STON2: variants seen among roughly 807,000 people sequenced by gnomAD.
The protein encoded by STON2 is stonin-2.
A neutral mutation model predicts 65.7 loss-of-function variants in STON2; 29 were observed. The ratio of observed to expected loss-of-function variants is 0.44; its 90% CI spans 0.33 to 0.60. STON2 has a LOEUF of 0.60. STON2 is among the 20% of genes least tolerant of loss of function. The probability of loss-of-function intolerance (pLI) is 0.03; values close to 1 mark genes in which losing one functional copy is unlikely to be tolerated. For missense variants in STON2, 1,054 were observed against 1,118.1 expected (o/e 0.94, Z 0.82); for synonymous variants, 404 against 414.2 (o/e 0.98, Z 0.30).
chr14:81,387,932 A>ATATTTT (rs1899893402), intron 3 of STON2, among the ~76,000 whole-genome samples: 1 of 143,688 alleles, frequency 7.0e-6, no homozygotes, highest in Non-Finnish European at 1.5e-5. Context: ...TATTTTAATC[A>ATATTTT]TATTTTTATT....
chr14:81,304,976 C>CGAAG (rs1896114648), intron 5 of STON2, among the ~76,000 whole-genome samples: 1 of 152,170 alleles, frequency 6.6e-6, no homozygotes, highest in Non-Finnish European at 1.5e-5. Context: ...CACTAACTAC[C>CGAAG]TCTTCCCCCA....
At chr14:81,306,806 C>G (rs1896201870) in intron 5 of STON2, 1 of 152,128 alleles carries the variant, frequency 6.6e-6, no homozygotes, top group Non-Finnish European at 1.5e-5. Context: ...TCCAATAAAG[C>G]AGACAATTAA....
chr14:81,277,025 A>G lies in STON2; in HGVS notation c.2457T>C (p.Ser819=), dbSNP rs372181612. Residue 819 remains serine (S), a synonymous_variant, in exon 6 of 8, where the codon AGT becomes AGC. Coordinates refer to ENST00000614646, the MANE Select transcript of STON2 (RefSeq NM_001394390.1). The part of the protein sequence containing the change: ...SLKAKVNRGA[S]FGSTSVSGSE... The stretch of plus-strand genomic sequence containing the variant: ...AGCCAGAAACACTAGTGGAGCCAAA[A>G]CTTGCCCCCCGGTTCACTTTGGCTT... 1 of 1,614,100 alleles carries G rather than the reference A, an allele frequency of 6.2e-7. No homozygotes were observed. Among genetic ancestry groups the G allele is most frequent in the South Asian group, 1.1e-5 (1 of 91,072 alleles).
In STON2 at chr14:81,277,518, C is replaced by T. The variant is rs146858490; in HGVS notation, c.1964G>A (p.Arg655Gln). The T allele has an allele frequency of 7.5e-5, 121 of 1,613,996 alleles. No homozygotes were observed. Among genetic ancestry groups the T allele is most frequent in the Admixed American group, 1.8e-4 (11 of 60,012 alleles). ...NQILQHHVLTRIHILSFLSGL... is the reference protein window; with the variant it reads ...NQILQHHVLTQIHILSFLSGL... Reference sequence around the variant, plus strand: ...AGACAGGAAACTCAGGATGTGGATCCGTGTCAAGACATGGTGCTGGAGAAT... The same window carrying T: ...AGACAGGAAACTCAGGATGTGGATCTGTGTCAAGACATGGTGCTGGAGAAT... Residue 655 changes from arginine to glutamine, a missense_variant, in exon 6 of 8, where the codon CGG (arginine) becomes CAG (glutamine). Coordinates refer to ENST00000614646, the MANE Select transcript of STON2 (RefSeq NM_001394390.1).
At chr14:81,303,545 T>C (rs576320481) in intron 5 of STON2, among the ~76,000 whole-genome samples, 1 of 152,268 alleles carries the variant, frequency 6.6e-6, no homozygotes, top group African/African-American at 2.4e-5. Context: ...ACATCAATAA[T>C]GACATGAGGT....
chr14:81,388,392 T>C (rs1187472790), intron 3 of STON2, among the ~76,000 whole-genome samples: 1 of 152,228 alleles, frequency 6.6e-6, no homozygotes, highest in African/African-American at 2.4e-5. Flanking sequence ...TTTCTGGAGT[T>C]GTTTTTCCTA....
intron 6 of STON2, among the ~76,000 whole-genome samples, chr14:81,273,958 C>T (rs1052848994): frequency 6.6e-6 from 1 of 152,184 alleles, no homozygotes; most frequent in Non-Finnish European, 1.5e-5. Context: ...CTTCCCAGGG[C>T]TGTCTGAACA....
chr14:81,401,524 C>T (rs955207073), upstream of STON2, among the ~76,000 whole-genome samples: 1 of 152,180 alleles, frequency 6.6e-6, no homozygotes, highest in Non-Finnish European at 1.5e-5. Flanking sequence ...AAGTGCTGTG[C>T]TAAGCAGCTG....
At chr14:81,424,439 A>C (rs72691418) in intron 2 of STON2, among the ~76,000 whole-genome samples, 3,059 of 152,144 alleles carry the variant, frequency 0.02, 55 homozygotes, top group Middle Eastern at 0.037. Flanking sequence ...GCAAGACACC[A>C]TATCAAAAAA....
rs551009289 is a variant in STON2, at chr14:81,271,009, A to G, written c.2582-137T>C. On this transcript the variant is annotated intron_variant, in intron 6 of 7. Transcript: ENST00000614646. ...CCTTTCAGAGGGTCCAGTGTTGAGC[A>G]CGAGGATCCGCCCGGCTCAGCAGAA... 1.4e-4 allele frequency: 159 copies of G among 1,166,932 alleles called. 1 individual carries two copies. The African/African-American group carries it at 2.2e-3, about 16-fold the overall frequency. 72.3% of individuals were successfully genotyped at this position (1,166,932 alleles called of 1,614,324 possible).
In STON2 at chr14:81,261,864, CT is replaced by C. The variant is rs766779596; in HGVS notation, c.*6549del. 6.5e-7 allele frequency: 1 copy of C among 1,530,506 alleles called. No individual in the cohort carries two copies. The highest frequency in any genetic ancestry group is 2.5e-5 in the East Asian group (1 of 40,656). The allele number at this position is 1,530,506 out of a possible 1,614,324, so 94.8% of individuals were successfully genotyped here. ...GATCTTCACCACCCTCTTTGATCCT[CT>C]TTTTAAATCTGTGTGTGGAAGGCAA... On this transcript the variant is annotated 3_prime_UTR_variant, in exon 8 of 8. Coordinates refer to ENST00000614646, the MANE Select transcript of STON2 (RefSeq NM_001394390.1).
chr14:81,400,558 C>G (rs1387424138), upstream of STON2, among the ~76,000 whole-genome samples: 3 of 150,838 alleles, frequency 2.0e-5, no homozygotes, highest in Non-Finnish European at 4.4e-5. Flanking sequence ...GGAAAACATC[C>G]TGCCAATCCT....
intron 4 of STON2, among the ~76,000 whole-genome samples, chr14:81,344,887 T>C (rs1041407574): frequency 4.6e-5 from 7 of 152,244 alleles, no homozygotes; most frequent in African/African-American, 1.4e-4. Flanking sequence ...TAATGTAGTA[T>C]TGACTTTTGA....
intron 4 of STON2, among the ~76,000 whole-genome samples, chr14:81,368,872 C>T (rs1898859446): frequency 6.6e-6 from 1 of 152,110 alleles, no homozygotes; most frequent in Admixed American, 6.6e-5. Flanking sequence ...GGCGTAGGGG[C>T]CAGTTAGTTT....
chr14:81,267,551 G>T lies in STON2; in HGVS notation c.*863C>A. Reference sequence around the variant, plus strand: ...TTATGTATATTTGTTTCAGGAATCAGAAGTGGACTGTATTTTTCAGTGTGA... The same window carrying T: ...TTATGTATATTTGTTTCAGGAATCATAAGTGGACTGTATTTTTCAGTGTGA... On this transcript the variant is annotated 3_prime_UTR_variant, in exon 8 of 8. Coordinates refer to ENST00000614646, the MANE Select transcript of STON2 (RefSeq NM_001394390.1). The T allele has an allele frequency of 1.0e-6, 1 of 985,332 alleles. No individual in the cohort carries two copies. The highest frequency in any genetic ancestry group is 1.2e-6 in the Non-Finnish European group (1 of 829,832). 61.0% of individuals were successfully genotyped at this position (985,332 alleles called of 1,614,324 possible).
chr14:81,393,558 C>T (rs935518719), intron 3 of STON2, among the ~76,000 whole-genome samples: 1 of 152,220 alleles, frequency 6.6e-6, no homozygotes, highest in African/African-American at 2.4e-5. Flanking sequence ...ATTCCCAAAG[C>T]CCACTTCTGG....
In STON2 at chr14:81,277,982, G is replaced by A; in HGVS notation, c.1500C>T (p.Ser500=). The change falls in exon 6 of 8, where the codon TCC becomes TCT. Residue 500 remains serine, a synonymous_variant. Coordinates refer to ENST00000614646, the MANE Select transcript of STON2 (RefSeq NM_001394390.1). ...RIPEKKNIMS[S]RHWGPIFVKL... Reference sequence around the variant, plus strand: ...TGACGAAGATCGGTCCCCAGTGCCTGGAGGACATGATGTTTTTCTTCTCAG... The same window carrying A: ...TGACGAAGATCGGTCCCCAGTGCCTAGAGGACATGATGTTTTTCTTCTCAG... The A allele has an allele frequency of 6.2e-7, 1 of 1,614,150 alleles. No individual in the cohort carries two copies. The highest frequency in any genetic ancestry group is 8.5e-7 in the Non-Finnish European group (1 of 1,180,038).
chr14:81,267,133 T>C lies in STON2; in HGVS notation c.*1281A>G. The C allele has an allele frequency of 2.0e-6, 2 of 985,246 alleles. No individual in the cohort carries two copies. The highest frequency in any genetic ancestry group is 2.4e-6 in the Non-Finnish European group (2 of 829,858). 61.0% of individuals were successfully genotyped at this position (985,246 alleles called of 1,614,324 possible). On this transcript the variant is annotated 3_prime_UTR_variant, in exon 8 of 8. Transcript: ENST00000614646. ...TCTGTCCCCCGACTTGTATTCTTCATGGGAGAAAACACTAAGATACAAATA... is the reference window on the plus strand; with the variant it reads ...TCTGTCCCCCGACTTGTATTCTTCACGGGAGAAAACACTAAGATACAAATA...
At chr14:81,402,082 T>C (rs909333176), upstream of STON2, among the ~76,000 whole-genome samples, 2 of 152,110 alleles carry the variant, frequency 1.3e-5, no homozygotes, top group Middle Eastern at 3.2e-3. Context: ...ACTGGGGGAA[T>C]ATGGAGTGAA....
Sources: allele counts gnomAD v4.1 joint callset (sites outside exome capture counted in the v4.1 genomes callset), GRCh38; gene constraint gnomAD v4.1.1; transcripts MANE v1.5; gene names NCBI Gene and HGNC (gene_info 2026-07-23, HGNC 2026-07-21).